OCA2: variants seen among roughly 807,000 people sequenced by gnomAD.
The protein encoded by OCA2 is P protein.
In OCA2, 77 loss-of-function variants were observed where a neutral mutation model predicts 100.2. The ratio of observed to expected loss-of-function variants is 0.77; its 90% CI spans 0.64 to 0.93. The LOEUF is 0.93. Ranked by LOEUF, OCA2 falls within the 40% of genes least tolerant of loss-of-function variation. The pLI is 0.00. For synonymous variants in OCA2, 432 were observed against 439.2 expected, an observed-to-expected ratio of 0.98 and a Z score of 0.21; for missense variants, 1,062 against 1,089.1, an observed-to-expected ratio of 0.98 and a Z score of 0.35.
chr15:27,868,659 T>G (rs539079480), intron 21 of OCA2, among the ~76,000 whole-genome samples: 2 of 152,084 alleles, frequency 1.3e-5, no homozygotes, highest in Non-Finnish European at 2.9e-5. Context: ...TGCCTAGCGT[T>G]AATATGGTAT....
At chr15:27,751,351 T>G (rs2030058087), downstream of OCA2, among the ~76,000 whole-genome samples, 1 of 152,140 alleles carries the variant, frequency 6.6e-6, no homozygotes, top group African/African-American at 2.4e-5. Context: ...TGTTTCCTAT[T>G]ACATGAGGAA....
intron 17 of OCA2, among the ~76,000 whole-genome samples, chr15:27,954,847 G>A (rs2040164841): frequency 6.6e-6 from 1 of 152,216 alleles, no homozygotes; most frequent in Non-Finnish European, 1.5e-5. Flanking sequence ...GTGAACCTTG[G>A]GCCTGCCCTT....
chr15:27,787,478 T>A (rs1268792427), intron 23 of OCA2, among the ~76,000 whole-genome samples: 1 of 152,092 alleles, frequency 6.6e-6, no homozygotes, highest in African/African-American at 2.4e-5. Context: ...TTTGGTAAAT[T>A]GTGACTTTCT....
At chr15:27,863,793 CTTCAA>C (rs1224824164) in intron 21 of OCA2, among the ~76,000 whole-genome samples, 1 of 152,158 alleles carries the variant, frequency 6.6e-6, no homozygotes, top group African/African-American at 2.4e-5. Flanking sequence ...CTTTGCTCTT[CTTCAA>C]TTCATTATTC....
chr15:27,967,301 G>A (rs1042415060), intron 14 of OCA2, among the ~76,000 whole-genome samples: 1 of 152,040 alleles, frequency 6.6e-6, no homozygotes, highest in African/African-American at 2.4e-5. Context: ...GAAAGACCAC[G>A]GATTCCTTAC....
the OCA2 span, among the ~76,000 whole-genome samples, chr15:27,734,857 A>G: frequency 3.3e-5 from 5 of 152,216 alleles, no homozygotes; most frequent in Non-Finnish European, 7.4e-5. Context: ...TTGACTGCTG[A>G]ACGGCTTTTC....
chr15:28,052,678 T>C (rs552389301), intron 2 of OCA2, among the ~76,000 whole-genome samples: 1 of 152,378 alleles, frequency 6.6e-6, no homozygotes, highest in South Asian at 2.1e-4. Context: ...CGATACGATG[T>C]AAAACTAGAA....
chr15:27,836,546 A>G lies in OCA2; in HGVS notation c.2432+8413T>C, dbSNP rs553657653. 1.1e-4 allele frequency among the ~76,000 whole-genome samples: 16 copies of G among 152,340 alleles called. No individual in the cohort carries two copies. The South Asian group carries it at 2.7e-3, about 26-fold the overall frequency. ...ATTTTTAACCCTCAGGGGAAAAGAA[A>G]GTATTTGACTTTGGTTCAGTGAGTT... On this transcript the variant is annotated intron_variant, in intron 23 of 23. Transcript: ENST00000354638.
rs556987054 is a variant in OCA2 at position 28,074,111 on chromosome 15, C to T, written c.227+7537G>A. ...ATTTATATGGGAAGGCAAGTGGCATCGAATAGCCAAAGCAATCTTGAGAAA... is the reference window on the plus strand; with the variant it reads ...ATTTATATGGGAAGGCAAGTGGCATTGAATAGCCAAAGCAATCTTGAGAAA... On this transcript the variant is annotated intron_variant, in intron 2 of 23. Coordinates refer to ENST00000354638, the MANE Select transcript of OCA2 (RefSeq NM_000275.3). Among the ~76,000 whole-genome samples the T allele has an allele frequency of 3.2e-4, 49 of 152,114 alleles. 1 individual carries two copies. The South Asian group carries it at 9.3e-3, about 29-fold the overall frequency.
chr15:28,012,342 T>C (rs538378603), intron 9 of OCA2, among the ~76,000 whole-genome samples: 1 of 152,294 alleles, frequency 6.6e-6, no homozygotes, highest in African/African-American at 2.4e-5. Context: ...ACAAGCCGTG[T>C]AGGGAGACCT....
rs528983300 is a variant in OCA2 at position 28,001,787 on chromosome 15, C to G, written c.1045-11140G>C. On this transcript the variant is annotated intron_variant, in intron 9 of 23. Coordinates refer to ENST00000354638, the MANE Select transcript of OCA2 (RefSeq NM_000275.3). ...AGCCCCAGAATGTGGTGCTGGAGGA[C>G]AGCATGCACCTCAGCGATGCCCGGA... Among the ~76,000 whole-genome samples, 8 of 152,330 alleles carry G rather than the reference C, an allele frequency of 5.3e-5. No individual in the cohort carries two copies. In the East Asian group the frequency reaches 1.5e-3, roughly 29 times the overall value.
intron 18 of OCA2, 52 bp from the exon 19 acceptor site, chr15:27,926,306 A>T (rs753808028): frequency 3.7e-6 from 6 of 1,603,184 alleles, no homozygotes. Context: ...TAACACACCG[A>T]TTCATTTCTT....
At chr15:27,922,868 A>G (rs1036615609) in intron 19 of OCA2, among the ~76,000 whole-genome samples, 1 of 151,224 alleles carries the variant, frequency 6.6e-6, no homozygotes, top group African/African-American at 2.4e-5. Flanking sequence ...ATATAGGTAG[A>G]CTCATGTCAC....
intron 4 of OCA2, among the ~76,000 whole-genome samples, chr15:28,026,627 T>C (rs2042756241): frequency 6.6e-6 from 1 of 152,170 alleles, no homozygotes; most frequent in African/African-American, 2.4e-5. Context: ...CAGTGTGGCC[T>C]TGGGCAAAAG....
chr15:28,019,575 A>G (rs1261659938), intron 6 of OCA2, among the ~76,000 whole-genome samples: 1 of 152,086 alleles, frequency 6.6e-6, no homozygotes, highest in Non-Finnish European at 1.5e-5. Flanking sequence ...TTCGCTATTC[A>G]CCGGCTAAAG....
At chr15:28,090,662 A>C (rs879618502) in intron 1 of OCA2, among the ~76,000 whole-genome samples, 5 of 152,210 alleles carry the variant, frequency 3.3e-5, no homozygotes, top group Admixed American at 3.3e-4. Context: ...AAAATATAAC[A>C]TATCAAAATT....
intron 23 of OCA2, among the ~76,000 whole-genome samples, chr15:27,760,613 A>T (rs547642251): frequency 6.6e-6 from 1 of 152,160 alleles, no homozygotes; most frequent in South Asian, 2.1e-4. Context: ...GTCAATATCA[A>T]TGAAACAGGA....
At chr15:27,818,199 G>GGCTA (rs898386129) in intron 23 of OCA2, among the ~76,000 whole-genome samples, 4 of 152,226 alleles carry the variant, frequency 2.6e-5, no homozygotes, top group African/African-American at 9.6e-5. Flanking sequence ...AGATCAGCCC[G>GGCTA]GCTAACATGG....
Position 27,926,245 on chromosome 15 carries a change from G to C in OCA2, c.1961C>G (p.Ala654Gly). The C allele has an allele frequency of 6.2e-7, 1 of 1,613,946 alleles. No individual in the cohort carries two copies. The highest frequency in any genetic ancestry group is 1.1e-5 in the South Asian group (1 of 91,082). ...PGIHLDLGWI[A>G]ILGAIWLLIL... ...TAGCAACCAGATGGCACCCAGAATA[G>C]CAATCCATCCTGAAAATAAGTAAAT... The change falls in exon 19 of 24, where the codon GCT (alanine) becomes GGT (glycine). Residue 654 changes from alanine to glycine, a missense_variant. Transcript: ENST00000354638.
Sources: allele counts gnomAD v4.1 joint callset (sites outside exome capture counted in the v4.1 genomes callset), GRCh38; gene constraint gnomAD v4.1.1; transcripts MANE v1.5; gene names NCBI Gene and HGNC (gene_info 2026-07-23, HGNC 2026-07-21).